Variants in NUP155 observed in about 807,000 individuals in gnomAD.
NUP155 encodes nuclear pore complex protein Nup155.
In NUP155, 71 loss-of-function variants were observed where a neutral mutation model predicts 180.4. The ratio of observed to expected loss-of-function variants is 0.39; its 90% confidence interval spans 0.33 to 0.48. The LOEUF (loss-of-function observed/expected upper bound fraction) is 0.48, where lower values mean the gene tolerates loss of function less well. Ranked by LOEUF, NUP155 falls within the 20% of genes least tolerant of loss-of-function variation. The pLI is 0.91. For missense variants in NUP155, 1,553 were observed against 1,648.9 expected (o/e 0.94, Z 1.01); for synonymous variants, 582 against 559.5 (o/e 1.04, Z -0.57).
intron 17 of NUP155, 54 bp from the exon 18 acceptor site, chr5:37,327,830 A>G: frequency 6.4e-7 from 1 of 1,573,998 alleles, no homozygotes; most frequent in Non-Finnish European, 8.7e-7. Context: ...AGAACCCATA[A>G]ATCTCTTAAT....
chr5:37,289,636 G>A lies in NUP155; in HGVS notation c.*2264C>T, dbSNP rs1257892481. On this transcript the variant is annotated 3_prime_UTR_variant, in exon 35 of 35. Transcript: ENST00000231498. ...CATGCTGTGTGAATAAAAGGACAGT[G>A]TTCAGATTTCTGACTCTAACAGACC... 1 of 152,190 alleles carries A rather than the reference G, an allele frequency of 6.6e-6. No homozygotes were observed. The highest frequency in any genetic ancestry group is 1.5e-5 in the Non-Finnish European group (1 of 68,042). The allele number at this position is 152,190 out of a possible 1,614,324, so 9.4% of individuals were successfully genotyped here.
chr5:37,362,357 C>T (rs905660367), intron 3 of NUP155, among the ~76,000 whole-genome samples: 5 of 151,152 alleles, frequency 3.3e-5, no homozygotes, highest in Non-Finnish European at 5.9e-5. Context: ...GGCGCGATCT[C>T]GGCTCACCAC....
intron 20 of NUP155, among the ~76,000 whole-genome samples, chr5:37,323,116 G>A (rs930386850): frequency 6.7e-6 from 1 of 150,172 alleles, no homozygotes; most frequent in East Asian, 2.0e-4. Flanking sequence ...CCCCGTCTCC[G>A]CTGAAAATAC....
intron 9 of NUP155, 90 bp from the exon 10 acceptor site, chr5:37,342,736 A>C (rs981203739): frequency 2.1e-6 from 2 of 942,216 alleles, no homozygotes; most frequent in Non-Finnish European, 1.7e-6. Flanking sequence ...ACATATTTCC[A>C]TATTTTCCTT....
At position 37,309,225 on chromosome 5, in the gene NUP155, T is replaced by C; in HGVS notation, c.2671A>G (p.Thr891Ala). Reference protein sequence around the residue: ...LQRSRQVQNKTEKERMLRESL... With the variant: ...LQRSRQVQNKAEKERMLRESL... ...TCCCTTAACATTCTTTCTTTTTCAG[T>C]CTTATTTTGAACTTGTCGGGAACGC... The change falls in exon 24 of 35, where the codon ACT (threonine) becomes GCT (alanine). Residue 891 changes from threonine (T) to alanine (A), a missense_variant. Thr to Ala is a moderately conservative substitution (Grantham distance 58). Transcript: ENST00000231498. The C allele has an allele frequency of 3.1e-6, 5 of 1,613,516 alleles. No individual in the cohort carries two copies. Among genetic ancestry groups the C allele is most frequent in the Non-Finnish European group, 4.2e-6 (5 of 1,179,820 alleles).
Position 37,304,673 on chromosome 5 carries a change from G to A in NUP155, c.3162+66C>T. ...AACTGAATTTTTTACATCTATATATGTGCTTAAATCATTGAGTTATGCTCC... is the reference window on the plus strand; with the variant it reads ...AACTGAATTTTTTACATCTATATATATGCTTAAATCATTGAGTTATGCTCC... On this transcript the variant is annotated intron_variant, in intron 27 of 34. Coordinates refer to ENST00000231498, the MANE Select transcript of NUP155 (RefSeq NM_153485.3). The A allele has an allele frequency of 7.1e-6, 8 of 1,123,336 alleles. No homozygotes were observed. The South Asian group carries it at 1.0e-4, about 14-fold the overall frequency. 69.6% of individuals were successfully genotyped at this position (1,123,336 alleles called of 1,614,324 possible).
intron 20 of NUP155, 150 bp from the exon 21 acceptor site, chr5:37,318,235 A>T: frequency 3.0e-6 from 2 of 657,316 alleles, no homozygotes. Flanking sequence ...TGGCCAGAAA[A>T]AATTTATGAC....
chr5:37,330,270 G>A, intron 14 of NUP155, 138 bp from the exon 15 acceptor site: 1 of 678,626 alleles, frequency 1.5e-6, no homozygotes, highest in Non-Finnish European at 2.7e-6. Flanking sequence ...AATGAAATCA[G>A]TTAGTGTTAA....
chr5:37,321,298 A>G (rs1744226723), intron 20 of NUP155, among the ~76,000 whole-genome samples: 1 of 152,206 alleles, frequency 6.6e-6, no homozygotes, highest in Admixed American at 6.5e-5. Flanking sequence ...GTGAGCTGAG[A>G]TTGCACCACT....
At chr5:37,317,553 T>TA (rs979155988) in intron 21 of NUP155, among the ~76,000 whole-genome samples, 10 of 151,400 alleles carry the variant, frequency 6.6e-5, no homozygotes, top group Admixed American at 1.3e-4. Context: ...TTCACCACAA[T>TA]AAAAAAAACA....
At chr5:37,355,584 TGTTTGTTTTTC>T (rs1746770987) in intron 4 of NUP155, among the ~76,000 whole-genome samples, 1 of 151,132 alleles carries the variant, frequency 6.6e-6, no homozygotes. Flanking sequence ...TTTGTTTGTT[TGTTTGTTTTTC>T]AGAGGCGATG....
chr5:37,334,914 CT>C (rs978893339), intron 12 of NUP155, among the ~76,000 whole-genome samples: 2 of 152,078 alleles, frequency 1.3e-5, no homozygotes, highest in South Asian at 2.1e-4. Flanking sequence ...AATCCCAGCA[CT>C]TTGGGAGGTG....
chr5:37,360,514 G>A (rs1747130337), intron 3 of NUP155, among the ~76,000 whole-genome samples: 1 of 151,698 alleles, frequency 6.6e-6, no homozygotes, highest in African/African-American at 2.4e-5. Context: ...GGCCAAGTGC[G>A]GTGGCTTACG....
At chr5:37,323,099 G>A (rs1744354794) in intron 20 of NUP155, among the ~76,000 whole-genome samples, 1 of 151,462 alleles carries the variant, frequency 6.6e-6, no homozygotes, top group South Asian at 2.1e-4. Flanking sequence ...TGGTCAACAT[G>A]GTGAAACCCC....
chr5:37,322,358 T>C (rs1268137006), intron 20 of NUP155, among the ~76,000 whole-genome samples: 3 of 152,162 alleles, frequency 2.0e-5, no homozygotes, highest in Non-Finnish European at 4.4e-5. Flanking sequence ...ACTCCCCCAA[T>C]GCCATGTGAT....
intron 7 of NUP155, 43 bp downstream of exon 7, chr5:37,350,117 T>C: frequency 7.8e-7 from 1 of 1,290,188 alleles, no homozygotes; most frequent in Non-Finnish European, 1.1e-6. Context: ...AACAATGTGT[T>C]AGAAATTAGT....
At chr5:37,361,519 G>A (rs1240672545) in intron 3 of NUP155, among the ~76,000 whole-genome samples, 1 of 152,108 alleles carries the variant, frequency 6.6e-6, no homozygotes, top group Non-Finnish European at 1.5e-5. Flanking sequence ...TGCGGACTAG[G>A]ATTCCCCATC....
intron 21 of NUP155, among the ~76,000 whole-genome samples, chr5:37,315,721 T>C (rs1409080320): frequency 6.6e-6 from 1 of 152,130 alleles, no homozygotes; most frequent in African/African-American, 2.4e-5. Context: ...AGTGGGTGGA[T>C]CACCTGAGGT....
intron 33 of NUP155, 147 bp from the exon 34 acceptor site, chr5:37,293,132 T>C: frequency 1.6e-6 from 1 of 628,360 alleles, no homozygotes; most frequent in Non-Finnish European, 2.9e-6. Flanking sequence ...AAATTATATA[T>C]CTGATTATAG....
Sources: gnomAD v4.1 joint callset for allele counts (sites outside exome capture counted in the v4.1 genomes callset) on GRCh38, gnomAD v4.1.1 for gene constraint, MANE v1.5 for transcripts, NCBI Gene and HGNC (gene_info 2026-07-23, HGNC 2026-07-21) for gene names.